The following SCRN1 variants were observed in gnomAD, a reference collection of about 807,000 sequenced individuals.
SCRN1 encodes secernin 1, also known as secernin-1.
Under a neutral mutation model 43.3 loss-of-function variants are expected in SCRN1, and 19 were observed. That is an observed-to-expected ratio of 0.44 (90% CI 0.31 to 0.64). The LOEUF (loss-of-function observed/expected upper bound fraction) is 0.64. Ranked by LOEUF, SCRN1 falls within the 30% of genes least tolerant of loss-of-function variation. The pLI is 0.09. For synonymous variants in SCRN1, 183 were observed against 188.9 expected, an observed-to-expected ratio of 0.97 and a Z score of 0.26; for missense variants, 447 against 524.1, an observed-to-expected ratio of 0.85 and a Z score of 1.44.
At chr7:29,930,376 T>C (rs17158511) in intron 6 of SCRN1, among the ~76,000 whole-genome samples, 7,939 of 152,272 alleles carry the variant, frequency 0.052, 380 homozygotes, top group African/African-American at 0.13. Flanking sequence ...TGATTTCTTA[T>C]CAATCTTTAC....
intron 6 of SCRN1, among the ~76,000 whole-genome samples, chr7:29,927,846 T>C (rs1427210708): frequency 1.3e-5 from 2 of 152,010 alleles, no homozygotes; most frequent in South Asian, 2.1e-4. Flanking sequence ...ATGGGCAAGG[T>C]ATGGTGGCTC....
chr7:29,955,572 G>T (rs778366887), intron 2 of SCRN1, among the ~76,000 whole-genome samples: 3 of 152,174 alleles, frequency 2.0e-5, no homozygotes, highest in Non-Finnish European at 2.9e-5. Context: ...ATCTATTCCT[G>T]GTGCTCACGT....
Position 29,921,067 on chromosome 7 carries a change from T to G in SCRN1, c.*2890A>C, listed in dbSNP as rs897347656. On this transcript the variant is annotated 3_prime_UTR_variant, in exon 8 of 8. Coordinates refer to ENST00000242059, the MANE Select transcript of SCRN1 (RefSeq NM_014766.5). ...ATATGAGGGCTATCTTCACCTATAG[T>G]AAATCCCATCTATTAGACAAGACTA... The G allele has an allele frequency of 3.3e-5, 5 of 152,642 alleles. No homozygotes were observed. Among genetic ancestry groups the G allele is most frequent in the Non-Finnish European group, 5.9e-5 (4 of 68,052 alleles). The allele number at this position is 152,642 out of a possible 1,614,324, so 9.5% of individuals were successfully genotyped here.
chr7:29,922,322 A>G lies in SCRN1; in HGVS notation c.*1635T>C, dbSNP rs993972916. The G allele has an allele frequency of 6.6e-6, 1 of 152,228 alleles. No individual in the cohort carries two copies. The highest frequency in any genetic ancestry group is 1.5e-5 in the Non-Finnish European group (1 of 68,048). 9.4% of individuals were successfully genotyped at this position (152,228 alleles called of 1,614,324 possible). On this transcript the variant is annotated 3_prime_UTR_variant, in exon 8 of 8. Coordinates refer to ENST00000242059, the MANE Select transcript of SCRN1 (RefSeq NM_014766.5). ...CGCTCTGGAGAGTTGGTAGAAAAAA[A>G]GAATGTGTTCTGATAAAACCTCTGA...
intron 4 of SCRN1, 96 bp from the exon 5 acceptor site, chr7:29,940,972 G>A (rs552419013): frequency 4.8e-5 from 49 of 1,018,828 alleles, no homozygotes; most frequent in African/African-American, 2.9e-4. Context: ...CTGAAACACT[G>A]ACTTTAACTA....
chr7:29,934,357 C>A (rs1787253797), intron 6 of SCRN1, among the ~76,000 whole-genome samples: 1 of 152,106 alleles, frequency 6.6e-6, no homozygotes, highest in Non-Finnish European at 1.5e-5. Context: ...CTCACAAGGC[C>A]CTGTCTCCTG....
At position 29,965,438 on chromosome 7, in the gene SCRN1, G is replaced by C. The variant is rs142278379; in HGVS notation, c.159+3471C>G. Among the ~76,000 whole-genome samples the C allele has an allele frequency of 4.5e-4, 69 of 152,234 alleles. No individual in the cohort carries two copies. The East Asian group carries it at 0.013, about 28-fold the overall frequency. ...GGGGAGGAGATGGACAAACAAGAGAGGGGGCAGCGGGACTCAGTGACAGCT... is the reference window on the plus strand; with the variant it reads ...GGGGAGGAGATGGACAAACAAGAGACGGGGCAGCGGGACTCAGTGACAGCT... On this transcript the variant is annotated intron_variant, in intron 2 of 7. Coordinates refer to ENST00000242059, the MANE Select transcript of SCRN1 (RefSeq NM_014766.5). This position sits in a 1 kb window ranked among gnomAD's most constrained non-coding sequence, Gnocchi z 4.2.
At chr7:29,937,825 G>A (rs1203315579) in intron 5 of SCRN1, among the ~76,000 whole-genome samples, 14 of 152,158 alleles carry the variant, frequency 9.2e-5, no homozygotes, top group Non-Finnish European at 2.1e-4. Context: ...TGGAATTGAA[G>A]CATCACACGG....
At chr7:29,925,792 T>C (rs566116996) in intron 7 of SCRN1, among the ~76,000 whole-genome samples, 1 of 148,030 alleles carries the variant, frequency 6.8e-6, no homozygotes, top group East Asian at 2.0e-4. Context: ...GTGGATTGCT[T>C]GAGCTCAGGA....
intron 7 of SCRN1, among the ~76,000 whole-genome samples, chr7:29,925,169 G>A (rs961984477): frequency 3.3e-5 from 5 of 152,278 alleles, no homozygotes; most frequent in African/African-American, 4.8e-5. Flanking sequence ...GCATGCTTCC[G>A]ATTATCTGCC....
In SCRN1 at chr7:29,968,903, G is replaced by T. The variant is rs769841906; in HGVS notation, c.159+6C>A. 9.3e-6 allele frequency: 15 copies of T among 1,613,964 alleles called. No homozygotes were observed. Among genetic ancestry groups the T allele is most frequent in the Non-Finnish European group, 1.3e-5 (15 of 1,180,000 alleles). ...GTGACTCGCGAGACTGCAATGCACG[G>T]CTTACCTCAACCTTGCTCTCCGGTT... On this transcript the variant is annotated splice_donor_region_variant and intron_variant, in intron 2 of 7. Coordinates refer to ENST00000242059, the MANE Select transcript of SCRN1 (RefSeq NM_014766.5).
At chr7:29,928,377 G>C (rs1436959223) in intron 6 of SCRN1, among the ~76,000 whole-genome samples, 1 of 152,154 alleles carries the variant, frequency 6.6e-6, no homozygotes, top group African/African-American at 2.4e-5. Context: ...TACTCTCTTA[G>C]GTTAGCTTCC....
chr7:29,961,054 ATTTC>A (rs1230826617), intron 2 of SCRN1, among the ~76,000 whole-genome samples: 2 of 132,528 alleles, frequency 1.5e-5, no homozygotes, highest in Admixed American at 7.3e-5. Flanking sequence ...GGAGGATCTT[ATTTC>A]TTTTTTTTTT....
chr7:29,920,945 C>A lies in SCRN1; in HGVS notation c.*3012G>T, dbSNP rs1191371364. 1 of 152,396 alleles carries A rather than the reference C, an allele frequency of 6.6e-6. No individual in the cohort carries two copies. Among genetic ancestry groups the A allele is most frequent in the Non-Finnish European group, 1.5e-5 (1 of 68,018 alleles). The allele number at this position is 152,396 out of a possible 1,614,324, so 9.4% of individuals were successfully genotyped here. A position where few individuals can be genotyped will look rare whatever the true frequency, so the allele number is the denominator to read the frequency against. On this transcript the variant is annotated 3_prime_UTR_variant, in exon 8 of 8. Coordinates refer to ENST00000242059, the MANE Select transcript of SCRN1 (RefSeq NM_014766.5). ...GAGCACTAAGGAACCTCCATAATTT[C>A]GATTATATTCTACCTAAAATTTCAA...
At chr7:29,935,718 C>T (rs1363877692) in intron 6 of SCRN1, among the ~76,000 whole-genome samples, 1 of 152,210 alleles carries the variant, frequency 6.6e-6, no homozygotes, top group Non-Finnish European at 1.5e-5. Flanking sequence ...GATATGATTC[C>T]TGATATACAT....
intron 2 of SCRN1, among the ~76,000 whole-genome samples, chr7:29,962,545 G>A (rs1008710831): frequency 2.0e-5 from 3 of 151,896 alleles, no homozygotes; most frequent in Non-Finnish European, 2.9e-5. Context: ...AAAATTAGCC[G>A]GCTATGGTGG....
intron 2 of SCRN1, among the ~76,000 whole-genome samples, chr7:29,963,314 A>G (rs1342006807): frequency 1.3e-5 from 2 of 152,142 alleles, no homozygotes; most frequent in African/African-American, 4.8e-5. Flanking sequence ...ATTTCAATTG[A>G]CATGCATAGA....
chr7:29,937,268 G>C (rs1220910547), intron 5 of SCRN1, among the ~76,000 whole-genome samples: 1 of 152,172 alleles, frequency 6.6e-6, no homozygotes, highest in African/African-American at 2.4e-5. Flanking sequence ...GAAACAATGT[G>C]TGCAATTCCT....
At chr7:29,970,750 C>T (rs1376430589) in intron 1 of SCRN1, among the ~76,000 whole-genome samples, 2 of 152,144 alleles carry the variant, frequency 1.3e-5, no homozygotes, top group African/African-American at 2.4e-5. Context: ...TCTTTTCTCC[C>T]GCCATGCCTC....
Sources: gnomAD v4.1 joint callset for allele counts (sites outside exome capture counted in the v4.1 genomes callset) on GRCh38, gnomAD v4.1.1 for gene constraint, Gnocchi (gnomAD v3.1) non-coding constraint, MANE v1.5 for transcripts, NCBI Gene and HGNC (gene_info 2026-07-23, HGNC 2026-07-21) for gene names.